The following PPP2R2B variants were observed in gnomAD, a reference collection of about 807,000 sequenced individuals.
PPP2R2B encodes the protein serine/threonine-protein phosphatase 2A 55 kDa regulatory subunit B beta isoform.
A neutral mutation model predicts 46.0 loss-of-function variants in PPP2R2B; 5 were observed. The observed-to-expected ratio is 0.11, with a 90% confidence interval of 0.06 to 0.23. The LOEUF (loss-of-function observed/expected upper bound fraction) is 0.23, where lower values mean the gene tolerates loss of function less well. Among genes scored for constraint, PPP2R2B ranks in the 10% least tolerant of loss-of-function variants. PPP2R2B has a pLI of 1.00. For synonymous variants in PPP2R2B, 215 were observed against 206.7 expected (o/e 1.04, Z -0.34); for missense variants, 367 against 575.0 (o/e 0.64, Z 3.70).
intron 1 of PPP2R2B, among the ~76,000 whole-genome samples, chr5:147,004,643 C>T (rs1754345912): frequency 6.6e-6 from 1 of 152,150 alleles, no homozygotes; most frequent in Non-Finnish European, 1.5e-5. Flanking sequence ...AAAGCTGGAG[C>T]TATTATCTAC....
rs184905185 is a variant in PPP2R2B at position 146,865,001 on chromosome 5, C to T, written c.70+13001G>A. 1.7e-3 allele frequency among the ~76,000 whole-genome samples: 262 copies of T among 152,214 alleles called. 1 individual carries two copies. The highest frequency in any genetic ancestry group is 5.6e-3 in the African/African-American group (234 of 41,528). On this transcript the variant is annotated intron_variant, in intron 2 of 9. Coordinates refer to ENST00000394411, the MANE Select transcript of PPP2R2B (RefSeq NM_181675.4). ...AAACATAATTGTTCATACCATTTAACCCAGTAAGCTACTTTTAGAAACTTG... is the reference window on the plus strand; with the variant it reads ...AAACATAATTGTTCATACCATTTAATCCAGTAAGCTACTTTTAGAAACTTG...
chr5:146,960,257 C>T (rs1321127244), intron 1 of PPP2R2B, among the ~76,000 whole-genome samples: 1 of 152,144 alleles, frequency 6.6e-6, no homozygotes, highest in Non-Finnish European at 1.5e-5. Flanking sequence ...TTTCATCACT[C>T]AGATACTATC....
intron 1 of PPP2R2B, among the ~76,000 whole-genome samples, chr5:147,055,196 CAACA>C (rs1282007624): frequency 6.6e-6 from 1 of 152,124 alleles, no homozygotes; most frequent in Admixed American, 6.6e-5. Context: ...TGAACCAATC[CAACA>C]ATCAACACTC....
chr5:146,986,449 A>T (rs1342053015), intron 1 of PPP2R2B, among the ~76,000 whole-genome samples: 1 of 152,210 alleles, frequency 6.6e-6, no homozygotes, highest in Non-Finnish European at 1.5e-5. Flanking sequence ...TCCTGAATAA[A>T]TTGCAGCGGA....
chr5:146,790,126 T>C (rs777373406), intron 2 of PPP2R2B, among the ~76,000 whole-genome samples: 6 of 152,162 alleles, frequency 3.9e-5, no homozygotes, highest in Non-Finnish European at 8.8e-5. Context: ...GACTGCTCTG[T>C]GTATGAATGT....
At chr5:147,045,806 G>C (rs1355026260) in intron 1 of PPP2R2B, among the ~76,000 whole-genome samples, 1 of 152,016 alleles carries the variant, frequency 6.6e-6, no homozygotes, top group Non-Finnish European at 1.5e-5. Flanking sequence ...CAGCTACATT[G>C]GCTTTCCCTC....
chr5:147,011,328 C>A (rs1430223274), intron 1 of PPP2R2B, among the ~76,000 whole-genome samples: 1 of 152,040 alleles, frequency 6.6e-6, no homozygotes. Flanking sequence ...AGGAGCTTTC[C>A]ATTTTCTTCC....
chr5:147,079,420 AAC>A (rs1012012826), intron 2 of PPP2R2B, among the ~76,000 whole-genome samples: 12 of 128,836 alleles, frequency 9.3e-5, no homozygotes, highest in South Asian at 2.5e-4. Flanking sequence ...TATACACACA[AAC>A]ACACACACAT....
chr5:146,748,152 G>A (rs1026723432), intron 2 of PPP2R2B, among the ~76,000 whole-genome samples: 5 of 152,140 alleles, frequency 3.3e-5, no homozygotes, highest in South Asian at 4.1e-4. Context: ...CCATTTAACC[G>A]ATGAGTAACC....
At chr5:146,749,743 C>T (rs1299393618) in intron 2 of PPP2R2B, among the ~76,000 whole-genome samples, 13 of 151,424 alleles carry the variant, frequency 8.6e-5, no homozygotes, top group African/African-American at 2.9e-4. Context: ...GGACTACAGG[C>T]GCCTGCCACC....
At chr5:146,934,945 CTTT>C (rs1193050118) in intron 1 of PPP2R2B, among the ~76,000 whole-genome samples, 1 of 152,094 alleles carries the variant, frequency 6.6e-6, no homozygotes, top group Non-Finnish European at 1.5e-5. Context: ...GAAATTATCA[CTTT>C]TCTACTGCAA....
rs75253212 is a variant in PPP2R2B, at chr5:147,072,112, T to C, written c.50+8947A>G. ...TTTGCTTTCTGGTCTCTATAAGACA[T>C]TGGACAATTTAAAACTTATCTCTAG... On this transcript the variant is annotated intron_variant, in intron 2 of 10. Coordinates refer to the PPP2R2B transcript ENST00000394413. Among the ~76,000 whole-genome samples, 1,245 of 152,308 alleles carry C rather than the reference T, an allele frequency of 8.2e-3. 19 individuals carry two copies. The highest frequency in any genetic ancestry group is 0.029 in the African/African-American group (1,187 of 41,568).
At chr5:146,916,299 T>TG (rs1198927626) in intron 1 of PPP2R2B, among the ~76,000 whole-genome samples, 1 of 151,932 alleles carries the variant, frequency 6.6e-6, no homozygotes, top group Non-Finnish European at 1.5e-5. Flanking sequence ...CACCGTTTTT[T>TG]TTTTTTTTGA....
chr5:146,673,562 A>G (rs1026427721), intron 5 of PPP2R2B, among the ~76,000 whole-genome samples: 6 of 152,148 alleles, frequency 3.9e-5, no homozygotes, highest in African/African-American at 1.4e-4. Context: ...GGGGAAATGC[A>G]TGGCCCAGGC....
At chr5:147,052,879 C>T (rs889401662) in intron 1 of PPP2R2B, among the ~76,000 whole-genome samples, 3 of 151,826 alleles carry the variant, frequency 2.0e-5, no homozygotes, top group African/African-American at 2.4e-5. Context: ...AAAAAGCAGG[C>T]GTGAGGGCTC....
intron 2 of PPP2R2B, among the ~76,000 whole-genome samples, chr5:146,832,379 C>CTTTTTTTTTTTTTTTT (rs34269274): frequency 1.4e-5 from 1 of 70,194 alleles, no homozygotes; most frequent in Non-Finnish European, 2.7e-5. Flanking sequence ...CATTTTTAAT[C>CTTTTTTTTTTTTTTTT]TTTTTTTTTT....
At chr5:146,808,994 T>TGTGTGTGTGTGTGTGCGCGC (rs1442659063) in intron 2 of PPP2R2B, among the ~76,000 whole-genome samples, 1 of 134,400 alleles carries the variant, frequency 7.4e-6, no homozygotes, top group African/African-American at 2.7e-5. Context: ...TGTGTGTGTG[T>TGTGTGTGTGTGTGTGCGCGC]GCGCGCGCAC....
intron 4 of PPP2R2B, among the ~76,000 whole-genome samples, chr5:146,693,012 G>T (rs912217525): frequency 2.0e-5 from 3 of 152,080 alleles, no homozygotes; most frequent in Non-Finnish European, 4.4e-5. Flanking sequence ...CACAAGGTAG[G>T]GTTTGGAATC....
intron 2 of PPP2R2B, among the ~76,000 whole-genome samples, chr5:146,772,728 T>C (rs962002826): frequency 2.0e-5 from 3 of 152,162 alleles, no homozygotes; most frequent in African/African-American, 7.2e-5. Context: ...GGTGTCTTCA[T>C]CTGCTTTATT....
Sources: allele counts gnomAD v4.1 joint callset (sites outside exome capture counted in the v4.1 genomes callset), GRCh38; gene constraint gnomAD v4.1.1; transcripts MANE v1.5; gene names NCBI Gene and HGNC (gene_info 2026-07-23, HGNC 2026-07-21).